MITF: variants seen among roughly 807,000 people sequenced by gnomAD.
MITF encodes the protein microphthalmia-associated transcription factor.
A neutral mutation model predicts 60.5 loss-of-function variants in MITF; 17 were observed. The ratio of observed to expected loss-of-function variants is 0.28; its 90% CI spans 0.19 to 0.42. The LOEUF (loss-of-function observed/expected upper bound fraction) is 0.42, where lower values mean the gene tolerates loss of function less well. MITF is among the 10% of genes least tolerant of loss of function. The probability of loss-of-function intolerance (pLI) is 1.00; values close to 1 mark genes in which losing one functional copy is unlikely to be tolerated. For synonymous variants in MITF, 260 were observed against 248.5 expected, an observed-to-expected ratio of 1.05 and a Z score of -0.43; for missense variants, 622 against 683.5, an observed-to-expected ratio of 0.91 and a Z score of 1.00.
At chr3:69,952,806 T>G (rs2066289460) in intron 7 of MITF, among the ~76,000 whole-genome samples, 1 of 152,176 alleles carries the variant, frequency 6.6e-6, no homozygotes, top group Non-Finnish European at 1.5e-5. Flanking sequence ...TTTATGTTGA[T>G]TTTTTTCTAC....
At chr3:69,772,622 C>T (rs1462595850) in intron 1 of MITF, among the ~76,000 whole-genome samples, 1 of 152,166 alleles carries the variant, frequency 6.6e-6, no homozygotes, top group Non-Finnish European at 1.5e-5. Flanking sequence ...TATGTCACTT[C>T]ATTCCTTAGT....
intron 1 of MITF, among the ~76,000 whole-genome samples, chr3:69,846,211 G>A (rs1029592572): frequency 2.4e-4 from 29 of 122,060 alleles, no homozygotes; most frequent in Middle Eastern, 9.3e-3. Flanking sequence ...AATGAGCTGT[G>A]CAGCTGTCTG....
chr3:69,832,242 A>T (rs2063460828), intron 1 of MITF, among the ~76,000 whole-genome samples: 2 of 152,150 alleles, frequency 1.3e-5, no homozygotes, highest in Non-Finnish European at 2.9e-5. Flanking sequence ...GGAGGAGGCC[A>T]TTGGTGGTCA....
chr3:69,931,700 A>G (rs1184627160), intron 2 of MITF, among the ~76,000 whole-genome samples: 1 of 152,254 alleles, frequency 6.6e-6, no homozygotes, highest in African/African-American at 2.4e-5. Flanking sequence ...AATATGTGAT[A>G]TAAATGTATA....
intron 9 of MITF, 98 bp from the exon 10 acceptor site, chr3:69,964,749 C>T (rs949158992): frequency 2.9e-5 from 30 of 1,048,102 alleles, no homozygotes; most frequent in Admixed American, 9.0e-5. Flanking sequence ...TCTAATGACG[C>T]GCATCTACCA....
At chr3:69,962,399 T>C (rs571813838) in intron 9 of MITF, among the ~76,000 whole-genome samples, 4 of 152,352 alleles carry the variant, frequency 2.6e-5, no homozygotes, top group South Asian at 2.1e-4. Context: ...GTAAAGGAAC[T>C]TGAAGGTACT....
chr3:69,828,893 A>G (rs1372950144), intron 1 of MITF, among the ~76,000 whole-genome samples: 2 of 151,904 alleles, frequency 1.3e-5, no homozygotes, highest in Non-Finnish European at 2.9e-5. Context: ...TTTCATTATC[A>G]GCTAGAGAAC....
chr3:69,751,046 G>T (rs890404822), intron 1 of MITF, among the ~76,000 whole-genome samples: 4 of 152,082 alleles, frequency 2.6e-5, no homozygotes, highest in Admixed American at 6.5e-5. Context: ...ACCATAAGGA[G>T]CCCTGGCCCA....
chr3:69,911,859 G>C (rs1199451006), intron 2 of MITF, among the ~76,000 whole-genome samples: 1 of 152,140 alleles, frequency 6.6e-6, no homozygotes, highest in Non-Finnish European at 1.5e-5. Context: ...GAACAGTTTG[G>C]CAATATTTAA....
At chr3:69,834,541 A>G (rs1002314002) in intron 1 of MITF, among the ~76,000 whole-genome samples, 1 of 152,118 alleles carries the variant, frequency 6.6e-6, no homozygotes, top group African/African-American at 2.4e-5. Flanking sequence ...TCCATTCTGT[A>G]TATATACTAC....
At chr3:69,918,325 G>A (rs926441620) in intron 2 of MITF, among the ~76,000 whole-genome samples, 2 of 152,146 alleles carry the variant, frequency 1.3e-5, no homozygotes, top group African/African-American at 4.8e-5. Flanking sequence ...TAGGATTACA[G>A]GTGTGAGTCA....
intron 7 of MITF, 78 bp downstream of exon 7, chr3:69,951,964 T>C: frequency 9.2e-7 from 1 of 1,081,536 alleles, no homozygotes; most frequent in Admixed American, 1.9e-5. Context: ...AGAAATTCTG[T>C]AGAGGAGAGT....
intron 1 of MITF, among the ~76,000 whole-genome samples, chr3:69,828,945 AGTGTGTGTGT>A (rs3044611): frequency 1.3e-5 from 2 of 150,046 alleles, no homozygotes; most frequent in Non-Finnish European, 3.0e-5. Context: ...ATATCGTGTG[AGTGTGTGTGT>A]GTGTGTGTGT....
intron 1 of MITF, among the ~76,000 whole-genome samples, chr3:69,772,689 ATAG>A (rs1381896992): frequency 6.6e-6 from 1 of 152,126 alleles, no homozygotes; most frequent in Non-Finnish European, 1.5e-5. Flanking sequence ...GTACATAGTG[ATAG>A]TAGATGACAC....
intron 1 of MITF, among the ~76,000 whole-genome samples, chr3:69,773,483 G>A (rs1240738773): frequency 6.6e-6 from 1 of 152,176 alleles, no homozygotes; most frequent in East Asian, 1.9e-4. Flanking sequence ...TTTGTCACTA[G>A]GTAGGGGCAA....
At chr3:69,897,318 G>T (rs1012344074) in intron 2 of MITF, among the ~76,000 whole-genome samples, 17 of 152,162 alleles carry the variant, frequency 1.1e-4, no homozygotes, top group Admixed American at 1.1e-3. Flanking sequence ...TCCAGAAGAC[G>T]TAAGAAGAAA....
At chr3:69,956,273 TA>T (rs1332297497) in intron 7 of MITF, among the ~76,000 whole-genome samples, 181 bp from the exon 8 acceptor site, 120 of 152,280 alleles carry the variant, frequency 7.9e-4, no homozygotes, top group African/African-American at 2.7e-3. Flanking sequence ...TTGGAAATGG[TA>T]AAGAAATGTA....
At chr3:69,802,240 G>A (rs1559639396) in intron 1 of MITF, among the ~76,000 whole-genome samples, 2 of 152,224 alleles carry the variant, frequency 1.3e-5, no homozygotes, top group South Asian at 2.1e-4. Context: ...GGCCAGGGGT[G>A]CTGCCGAACA....
At chr3:69,757,861 A>G (rs2062150064) in intron 1 of MITF, among the ~76,000 whole-genome samples, 1 of 151,734 alleles carries the variant, frequency 6.6e-6, no homozygotes, top group African/African-American at 2.4e-5. Context: ...GGGGAGCAGG[A>G]AGGGTCAAAC....
Sources: gnomAD v4.1 joint callset for allele counts (sites outside exome capture counted in the v4.1 genomes callset) on GRCh38, gnomAD v4.1.1 for gene constraint, MANE v1.5 for transcripts, NCBI Gene and HGNC (gene_info 2026-07-23, HGNC 2026-07-21) for gene names.